ADRA1B: variants seen among roughly 807,000 people sequenced by gnomAD.
ADRA1B encodes the protein alpha-1B adrenergic receptor.
Under a neutral mutation model 17.9 loss-of-function variants are expected in ADRA1B, and 17 were observed. The ratio of observed to expected loss-of-function variants is 0.95; its 90% CI spans 0.65 to 1.42. ADRA1B has a LOEUF of 1.42. ADRA1B is among the 40% of genes most tolerant of loss of function. ADRA1B has a pLI of 0.00. For synonymous variants in ADRA1B, 366 were observed against 327.6 expected, an observed-to-expected ratio of 1.12 and a Z score of -1.27; for missense variants, 681 against 722.1, an observed-to-expected ratio of 0.94 and a Z score of 0.65.
chr5:159,961,751 A>G (rs879572730), intron 1 of ADRA1B, among the ~76,000 whole-genome samples: 1 of 152,240 alleles, frequency 6.6e-6, no homozygotes, highest in Non-Finnish European at 1.5e-5. Context: ...ACTGTGAAAT[A>G]AATCAAATCA....
downstream of ADRA1B, among the ~76,000 whole-genome samples, chr5:159,974,091 G>A (rs1047893066): frequency 6.6e-6 from 1 of 152,190 alleles, no homozygotes; most frequent in Non-Finnish European, 1.5e-5. Context: ...AAAGGGGAAA[G>A]AGCCAGTGAT....
At chr5:159,886,812 GA>G (rs35185975) in intron 1 of ADRA1B, among the ~76,000 whole-genome samples, 2 of 151,502 alleles carry the variant, frequency 1.3e-5, no homozygotes, top group African/African-American at 4.8e-5. Context: ...GCCAGCTGAT[GA>G]AAAAAAAGAG....
At chr5:159,925,157 C>G (rs1186760747) in intron 1 of ADRA1B, among the ~76,000 whole-genome samples, 1 of 152,114 alleles carries the variant, frequency 6.6e-6, no homozygotes, top group Non-Finnish European at 1.5e-5. Context: ...GGCTCTGAGC[C>G]AGATTTAAGA....
chr5:159,983,579 G>A, the ADRA1B span, among the ~76,000 whole-genome samples: 359 of 152,286 alleles, frequency 2.4e-3, 2 homozygotes, highest in South Asian at 0.011. Flanking sequence ...CGTCTTAGCC[G>A]TGGGAATGTG....
chr5:159,889,569 G>T (rs1180022169), intron 1 of ADRA1B, among the ~76,000 whole-genome samples: 1 of 152,132 alleles, frequency 6.6e-6, no homozygotes, highest in Non-Finnish European at 1.5e-5. Context: ...AGATGAAGAA[G>T]TAGAGACAGA....
downstream of ADRA1B, among the ~76,000 whole-genome samples, chr5:159,975,404 G>A (rs1755956705): frequency 6.6e-6 from 1 of 152,134 alleles, no homozygotes; most frequent in South Asian, 2.1e-4. Context: ...GCCTCTTCTG[G>A]TCTAGCAAAT....
intron 1 of ADRA1B, among the ~76,000 whole-genome samples, chr5:159,931,218 C>T (rs952083847): frequency 2.7e-5 from 4 of 150,498 alleles, no homozygotes; most frequent in Non-Finnish European, 4.4e-5. Flanking sequence ...AGGGAGACCC[C>T]CCATCTCTAC....
intron 1 of ADRA1B, among the ~76,000 whole-genome samples, chr5:159,878,844 A>C (rs1040395274): frequency 1.3e-5 from 2 of 152,212 alleles, no homozygotes; most frequent in Non-Finnish European, 1.5e-5. Context: ...TCATGCATGT[A>C]TCCATTTATC....
the ADRA1B span, among the ~76,000 whole-genome samples, chr5:159,987,562 C>T: frequency 4.6e-5 from 7 of 152,220 alleles, no homozygotes; most frequent in East Asian, 1.9e-4. Flanking sequence ...CGCTGGCCAA[C>T]GCGCCTAAGC....
intron 1 of ADRA1B, among the ~76,000 whole-genome samples, chr5:159,908,619 G>A (rs1195964776): frequency 6.6e-6 from 1 of 152,148 alleles, no homozygotes; most frequent in Non-Finnish European, 1.5e-5. Context: ...TTCTTGTACA[G>A]CCCCAATAAG....
chr5:159,889,215 AG>A (rs1753956759), intron 1 of ADRA1B, among the ~76,000 whole-genome samples: 1 of 152,170 alleles, frequency 6.6e-6, no homozygotes, highest in South Asian at 2.1e-4. Flanking sequence ...TGGAAGGGCA[AG>A]AATGGTGCTG....
chr5:159,984,327 T>C, the ADRA1B span, among the ~76,000 whole-genome samples: 2 of 152,156 alleles, frequency 1.3e-5, no homozygotes, highest in Non-Finnish European at 2.9e-5. Context: ...TTTCCCACAA[T>C]GGCTGCTCCC....
intron 1 of ADRA1B, among the ~76,000 whole-genome samples, chr5:159,904,670 T>C (rs894052077): frequency 9.2e-5 from 14 of 152,212 alleles, no homozygotes; most frequent in Non-Finnish European, 1.8e-4. Flanking sequence ...CATTGTCTAA[T>C]TTAAATTCAT....
At chr5:159,955,253 G>C in intron 1 of ADRA1B, 1 of 947,126 alleles carries the variant, frequency 1.1e-6, no homozygotes, top group Non-Finnish European at 1.3e-6. Flanking sequence ...CCCATATGTG[G>C]CCTCCTCAGG....
chr5:159,923,637 G>A (rs2113172631), intron 1 of ADRA1B, among the ~76,000 whole-genome samples: 1 of 152,386 alleles, frequency 6.6e-6, no homozygotes, highest in Admixed American at 6.5e-5. Flanking sequence ...CAATCTGCCA[G>A]ACACTCTCAT....
chr5:159,985,872 C>T, the ADRA1B span, among the ~76,000 whole-genome samples: 222 of 152,308 alleles, frequency 1.5e-3, no homozygotes, highest in African/African-American at 4.9e-3. Flanking sequence ...AAGAGAGTTC[C>T]GTCTAGCCCT....
intron 1 of ADRA1B, among the ~76,000 whole-genome samples, chr5:159,970,252 G>A (rs1049990142): frequency 6.6e-6 from 1 of 151,924 alleles, no homozygotes; most frequent in Admixed American, 6.5e-5. Flanking sequence ...TAGGCATTCT[G>A]TCTTTAACAT....
chr5:159,975,097 G>A (rs558124255), downstream of ADRA1B, among the ~76,000 whole-genome samples: 20 of 152,252 alleles, frequency 1.3e-4, no homozygotes, highest in South Asian at 2.9e-3. Flanking sequence ...CTCCATTCCC[G>A]GAGAACAAGG....
chr5:159,902,323 G>A (rs1754110448), intron 1 of ADRA1B, among the ~76,000 whole-genome samples: 1 of 152,176 alleles, frequency 6.6e-6, no homozygotes, highest in African/African-American at 2.4e-5. Context: ...GGGGCTGGGG[G>A]AGGCGGAATG....
Sources: allele counts gnomAD v4.1 joint callset (sites outside exome capture counted in the v4.1 genomes callset), GRCh38; gene constraint gnomAD v4.1.1; transcripts MANE v1.5; gene names NCBI Gene and HGNC (gene_info 2026-07-23, HGNC 2026-07-21).